MED27: variants seen among roughly 807,000 people sequenced by gnomAD.
The protein encoded by MED27 is mediator complex subunit 27, also known as mediator of RNA polymerase II transcription subunit 27.
Under a neutral mutation model 38.2 loss-of-function variants are expected in MED27, and 30 were observed. The observed-to-expected ratio is 0.79, with a 90% CI of 0.59 to 1.07. The LOEUF is 1.07. Ranked by LOEUF, MED27 falls within the 50% of genes least tolerant of loss-of-function variation. The pLI, the probability that MED27 is intolerant of heterozygous loss-of-function variation, is 0.00. For missense variants in MED27, 289 were observed against 397.5 expected, an observed-to-expected ratio of 0.73 and a Z score of 2.32; for synonymous variants, 122 against 153.5, an observed-to-expected ratio of 0.79 and a Z score of 1.52.
At chr9:132,004,732 C>A (rs1456458322) in intron 3 of MED27, among the ~76,000 whole-genome samples, 1 of 152,200 alleles carries the variant, frequency 6.6e-6, no homozygotes, top group African/African-American at 2.4e-5. Flanking sequence ...ATTCAAATAC[C>A]CAACACTTAC....
chr9:131,870,865 A>C (rs752303369), intron 6 of MED27, among the ~76,000 whole-genome samples: 2 of 152,214 alleles, frequency 1.3e-5, no homozygotes, highest in Admixed American at 6.5e-5. Flanking sequence ...CCAACCCTCC[A>C]AACGGTCTGA....
chr9:131,992,698 G>A (rs544325257), intron 3 of MED27, among the ~76,000 whole-genome samples: 3 of 152,262 alleles, frequency 2.0e-5, no homozygotes, highest in African/African-American at 7.2e-5. Context: ...ACTGCACCTG[G>A]CCCAGTACCT....
At chr9:131,971,131 A>G (rs564104791) in intron 3 of MED27, among the ~76,000 whole-genome samples, 1 of 152,374 alleles carries the variant, frequency 6.6e-6, no homozygotes, top group Non-Finnish European at 1.5e-5. Context: ...AAGAAAACAC[A>G]GCCAAATGTT....
At chr9:131,898,860 T>C (rs919634611) in intron 4 of MED27, among the ~76,000 whole-genome samples, 2 of 152,146 alleles carry the variant, frequency 1.3e-5, no homozygotes, top group Non-Finnish European at 2.9e-5. Context: ...GCTGGGATTA[T>C]AGGCATGAGC....
chr9:131,873,473 T>G (rs1042365113), intron 6 of MED27, among the ~76,000 whole-genome samples: 5 of 152,202 alleles, frequency 3.3e-5, no homozygotes, highest in Non-Finnish European at 7.4e-5. Context: ...TTTTTTATTA[T>G]GCAGCTCTCG....
At chr9:131,996,195 G>A (rs1832086815) in intron 3 of MED27, among the ~76,000 whole-genome samples, 1 of 152,218 alleles carries the variant, frequency 6.6e-6, no homozygotes, top group African/African-American at 2.4e-5. Context: ...AGAAGCAGGG[G>A]CTGCTGTTAC....
intron 2 of MED27, among the ~76,000 whole-genome samples, chr9:132,023,978 C>T (rs1264710934): frequency 6.6e-6 from 1 of 152,080 alleles, no homozygotes; most frequent in South Asian, 2.1e-4. Flanking sequence ...CTCAGGACTA[C>T]GAGGAGGCAA....
At chr9:132,035,460 C>T (rs1833052400) in intron 2 of MED27, among the ~76,000 whole-genome samples, 1 of 151,890 alleles carries the variant, frequency 6.6e-6, no homozygotes, top group Non-Finnish European at 1.5e-5. Context: ...TGTTCAGTGA[C>T]AAAAAGGAGG....
At chr9:132,054,371 C>T (rs1833529606) in intron 2 of MED27, among the ~76,000 whole-genome samples, 1 of 152,184 alleles carries the variant, frequency 6.6e-6, no homozygotes, top group African/African-American at 2.4e-5. Flanking sequence ...AGAAGCTCAG[C>T]AGATGTCCCG....
rs1259106642 is a variant in MED27, at chr9:132,014,446, C to T, written c.370G>A (p.Ala124Thr). The change falls in exon 3 of 8, where the codon GCA becomes ACA. Residue 124 changes from alanine to threonine, a missense_variant. Transcript: ENST00000292035. Reference sequence around the variant, plus strand: ...GACTGCTGATTTAAAAGGCCAGATGCTAGTCCTGCATGGTACTGCAACTGC... The same window carrying T: ...GACTGCTGATTTAAAAGGCCAGATGTTAGTCCTGCATGGTACTGCAACTGC... ...SNKLQYHAGLASGLLNQQSLK... is the reference protein window; with the variant it reads ...SNKLQYHAGLTSGLLNQQSLK... 2 of 1,614,070 alleles carry T rather than the reference C, an allele frequency of 1.2e-6. No individual in the cohort carries two copies. The highest frequency in any genetic ancestry group is 1.7e-5 in the Admixed American group (1 of 60,012).
chr9:131,977,489 T>C (rs1831634644), intron 3 of MED27, among the ~76,000 whole-genome samples: 1 of 152,186 alleles, frequency 6.6e-6, no homozygotes, highest in South Asian at 2.1e-4. Flanking sequence ...TCTGATTTGA[T>C]TTCTCCAACA....
intron 4 of MED27, among the ~76,000 whole-genome samples, chr9:131,938,001 T>A (rs1002101660): frequency 6.6e-6 from 1 of 152,192 alleles, no homozygotes. Context: ...CATCGCATTA[T>A]CTCCTTTTCT....
At chr9:131,934,336 G>C (rs1712457519) in intron 4 of MED27, among the ~76,000 whole-genome samples, 1 of 151,950 alleles carries the variant, frequency 6.6e-6, no homozygotes, top group South Asian at 2.1e-4. Context: ...AAAGTGAAGA[G>C]ACAGTCCATA....
rs1830236851 is a variant in MED27, at chr9:131,913,925, G to A, written c.574-19933C>T. 6.8e-6 allele frequency among the ~76,000 whole-genome samples: 1 copy of A among 147,896 alleles called. No homozygotes were observed. Among genetic ancestry groups the A allele is most frequent in the South Asian group, 2.2e-4 (1 of 4,496 alleles). On this transcript the variant is annotated intron_variant, in intron 4 of 7. Coordinates refer to ENST00000292035, the MANE Select transcript of MED27 (RefSeq NM_004269.4). This position sits in a 1 kb window ranked among gnomAD's most constrained non-coding sequence, Gnocchi z 4.5. ...AAACTCAAACTTTAATTCCTCTAGC[G>A]CTTGCTTGTACCGCTTGTCTTCATT...
At chr9:131,992,948 T>C (rs1404752831) in intron 3 of MED27, among the ~76,000 whole-genome samples, 1 of 152,160 alleles carries the variant, frequency 6.6e-6, no homozygotes, top group African/African-American at 2.4e-5. Context: ...TTATCCCCAT[T>C]TGACAAATGA....
chr9:131,876,064 C>T (rs1838926333), intron 6 of MED27, among the ~76,000 whole-genome samples: 1 of 152,194 alleles, frequency 6.6e-6, no homozygotes, highest in South Asian at 2.1e-4. Flanking sequence ...GGTGGGAGGT[C>T]AGCCTGGGCT....
chr9:131,954,577 G>A (rs1831058726), intron 3 of MED27, among the ~76,000 whole-genome samples: 1 of 152,268 alleles, frequency 6.6e-6, no homozygotes. Context: ...TCTTGTGGCA[G>A]TCTTTCAAGT....
At chr9:132,074,525 T>C (rs1243716030) in intron 2 of MED27, among the ~76,000 whole-genome samples, 1 of 152,220 alleles carries the variant, frequency 6.6e-6, no homozygotes, top group East Asian at 1.9e-4. Context: ...ATTAACGCAC[T>C]TACTGGTTTA....
In MED27 at chr9:131,997,472, A is replaced by C. The variant is rs138890671; in HGVS notation, c.479+16865T>G. On this transcript the variant is annotated intron_variant, in intron 3 of 7. Transcript: ENST00000292035. This position sits in a 1 kb window ranked among gnomAD's most constrained non-coding sequence, Gnocchi z 4.0. ...AAAGGCCCAGACTTTTGGCCAACAC[A>C]GGACAAGGCAGGTAACCCTGCTGCA... Among the ~76,000 whole-genome samples, 225 of 152,352 alleles carry C rather than the reference A, an allele frequency of 1.5e-3. 1 individual carries two copies. The highest frequency in any genetic ancestry group is 5.3e-3 in the African/African-American group (219 of 41,582).
Sources: gnomAD v4.1 joint callset for allele counts (sites outside exome capture counted in the v4.1 genomes callset) on GRCh38, gnomAD v4.1.1 for gene constraint, Gnocchi (gnomAD v3.1) non-coding constraint, MANE v1.5 for transcripts, NCBI Gene and HGNC (gene_info 2026-07-23, HGNC 2026-07-21) for gene names.